Variants in CCBE1 observed in about 807,000 individuals in gnomAD.
CCBE1 encodes the protein collagen and calcium binding EGF domains 1, also known as collagen and calcium-binding EGF domain-containing protein 1.
In CCBE1, 37 loss-of-function variants were observed where a neutral mutation model predicts 50.0. The ratio of observed to expected loss-of-function variants is 0.74; its 90% CI spans 0.57 to 0.97. The LOEUF (loss-of-function observed/expected upper bound fraction) is 0.97. Among genes scored for constraint, CCBE1 ranks in the 50% least tolerant of loss-of-function variants. The pLI is 0.00. For missense variants in CCBE1, 538 were observed against 523.8 expected (o/e 1.03, Z -0.26); for synonymous variants, 234 against 203.7 (o/e 1.15, Z -1.27).
chr18:59,468,934 GC>G (rs1911889041), intron 4 of CCBE1, among the ~76,000 whole-genome samples: 2 of 151,794 alleles, frequency 1.3e-5, no homozygotes, highest in South Asian at 4.1e-4. Context: ...TGGAAAATGA[GC>G]CATAAAGCTG....
intron 2 of CCBE1, among the ~76,000 whole-genome samples, chr18:59,591,521 C>G (rs1176550217): frequency 1.3e-5 from 2 of 152,102 alleles, no homozygotes; most frequent in Non-Finnish European, 2.9e-5. Context: ...TGGAGGGACT[C>G]CAAAAGCCCA....
intron 2 of CCBE1, among the ~76,000 whole-genome samples, chr18:59,551,737 C>T (rs557318558): frequency 3.9e-5 from 6 of 152,208 alleles, no homozygotes; most frequent in Non-Finnish European, 8.8e-5. Context: ...AAGTGGAATA[C>T]TTTTGACATG....
rs8084266 is a variant in CCBE1 at position 59,589,222 on chromosome 18, C to T, written c.212+107407G>A. 8.9e-3 allele frequency among the ~76,000 whole-genome samples: 1,351 copies of T among 152,286 alleles called. 18 individuals are homozygous for T. Among genetic ancestry groups the T allele is most frequent in the African/African-American group, 0.03 (1,258 of 41,550 alleles). The stretch of plus-strand genomic sequence containing the variant: ...CCTAGATTGCCAATTCACCAACTTA[C>T]ATTATAGTTATCTAGGAGAGGATAG... On this transcript the variant is annotated intron_variant, in intron 2 of 10. Coordinates refer to ENST00000439986, the MANE Select transcript of CCBE1 (RefSeq NM_133459.4).
chr18:59,485,539 G>A (rs933867790), intron 2 of CCBE1, among the ~76,000 whole-genome samples: 5 of 151,524 alleles, frequency 3.3e-5, no homozygotes, highest in African/African-American at 1.2e-4. Context: ...TATTTATTTG[G>A]GGTTTTCCTT....
At chr18:59,532,555 C>T (rs1199103226) in intron 2 of CCBE1, among the ~76,000 whole-genome samples, 1 of 152,216 alleles carries the variant, frequency 6.6e-6, no homozygotes, top group African/African-American at 2.4e-5. Flanking sequence ...CAGGAATTAA[C>T]ATTTACTGAG....
intron 2 of CCBE1, among the ~76,000 whole-genome samples, chr18:59,692,572 C>CTA (rs1321186841): frequency 6.6e-6 from 1 of 152,198 alleles, no homozygotes; most frequent in Non-Finnish European, 1.5e-5. Flanking sequence ...GAGCCCAATG[C>CTA]TATCAATCTG....
intron 5 of CCBE1, among the ~76,000 whole-genome samples, chr18:59,455,950 G>A (rs563848830): frequency 1.3e-5 from 2 of 152,192 alleles, no homozygotes; most frequent in East Asian, 1.9e-4. Flanking sequence ...TGGGGAAGTC[G>A]GGTAATGCGT....
chr18:59,615,348 T>C (rs537469825), intron 2 of CCBE1, among the ~76,000 whole-genome samples: 32 of 152,346 alleles, frequency 2.1e-4, no homozygotes, highest in African/African-American at 7.5e-4. Context: ...TTTTGTTCCC[T>C]AACACCATGC....
At chr18:59,530,700 T>C (rs945560262) in intron 2 of CCBE1, among the ~76,000 whole-genome samples, 4 of 152,216 alleles carry the variant, frequency 2.6e-5, no homozygotes, top group Admixed American at 6.5e-5. Context: ...TGTAATTCTC[T>C]GGAAAATCTG....
intron 2 of CCBE1, among the ~76,000 whole-genome samples, chr18:59,491,917 G>A (rs922190835): frequency 2.0e-5 from 3 of 152,006 alleles, no homozygotes; most frequent in Admixed American, 1.3e-4. Flanking sequence ...AGGCCGAGGC[G>A]AGTGGATTGC....
Position 59,576,722 on chromosome 18 carries a change from C to T in CCBE1, c.213-96484G>A, listed in dbSNP as rs117745005. On this transcript the variant is annotated intron_variant, in intron 2 of 10. Transcript: ENST00000439986. Reference sequence around the variant, plus strand: ...TGCTCTGCCAACCTGCCACTCCCTCCAATGCTTCTGTCTTGGTGTGAAACA... The same window carrying T: ...TGCTCTGCCAACCTGCCACTCCCTCTAATGCTTCTGTCTTGGTGTGAAACA... 1.9e-3 allele frequency among the ~76,000 whole-genome samples: 297 copies of T among 152,316 alleles called. 4 individuals are homozygous for T. In the East Asian group the frequency reaches 0.03, roughly 15 times the overall value.
intron 2 of CCBE1, among the ~76,000 whole-genome samples, chr18:59,548,073 A>T (rs1165816422): frequency 6.6e-6 from 1 of 152,240 alleles, no homozygotes; most frequent in East Asian, 1.9e-4. Flanking sequence ...CGTGATGTGA[A>T]CTATCTGCTG....
Position 59,434,918 on chromosome 18 carries a change from A to G in CCBE1, c.*990T>C, listed in dbSNP as rs1370491616. The G allele has an allele frequency of 6.6e-6, 1 of 152,220 alleles. No homozygotes were observed. Among genetic ancestry groups the G allele is most frequent in the African/African-American group, 2.4e-5 (1 of 41,456 alleles). 9.4% of individuals were successfully genotyped at this position (152,220 alleles called of 1,614,324 possible). On this transcript the variant is annotated 3_prime_UTR_variant, in exon 11 of 11. Coordinates refer to ENST00000439986, the MANE Select transcript of CCBE1 (RefSeq NM_133459.4). The stretch of plus-strand genomic sequence containing the variant: ...GCCCAAGCCAGCAACCTCCTTGCAG[A>G]CTTCAGCCCCACTGTATATTGGTTC...
At chr18:59,470,977 T>C (rs1355742809) in intron 3 of CCBE1, among the ~76,000 whole-genome samples, 1 of 152,214 alleles carries the variant, frequency 6.6e-6, no homozygotes, top group Non-Finnish European at 1.5e-5. Flanking sequence ...CTGCATGGTG[T>C]TCTGACCAAC....
intron 2 of CCBE1, among the ~76,000 whole-genome samples, chr18:59,525,317 C>G (rs574255119): frequency 1.3e-5 from 2 of 152,214 alleles, no homozygotes; most frequent in Non-Finnish European, 2.9e-5. Context: ...TTGCCTTTCT[C>G]TAATGACCAG....
intron 2 of CCBE1, among the ~76,000 whole-genome samples, chr18:59,670,052 C>T (rs1484542373): frequency 6.6e-6 from 1 of 151,848 alleles, no homozygotes; most frequent in Admixed American, 6.6e-5. Context: ...TCATGGACCT[C>T]TGCTTCTTGC....
chr18:59,500,134 C>T (rs1206057476), intron 2 of CCBE1, among the ~76,000 whole-genome samples: 4 of 152,128 alleles, frequency 2.6e-5, no homozygotes, highest in African/African-American at 7.2e-5. Context: ...TTAGGCCACC[C>T]GCAGGTCCAG....
In CCBE1 at chr18:59,595,244, C is replaced by G. The variant is rs530562993; in HGVS notation, c.212+101385G>C. ...TTTTGCTTTTTTTTTTTTTTCTTGA[C>G]AAGGACCTATCCTTCCCCCAGACAA... On this transcript the variant is annotated intron_variant, in intron 2 of 10. Coordinates refer to ENST00000439986, the MANE Select transcript of CCBE1 (RefSeq NM_133459.4). 1.3e-3 allele frequency among the ~76,000 whole-genome samples: 193 copies of G among 147,152 alleles called. 1 individual carries two copies. The highest frequency in any genetic ancestry group is 3.3e-3 in the Middle Eastern group (1 of 304).
chr18:59,542,230 C>G (rs1173873526), intron 2 of CCBE1, among the ~76,000 whole-genome samples: 1 of 151,582 alleles, frequency 6.6e-6, no homozygotes, highest in East Asian at 1.9e-4. Flanking sequence ...ACTATGCTTT[C>G]TCAGTGCTGC....
Sources: gnomAD v4.1 joint callset for allele counts (sites outside exome capture counted in the v4.1 genomes callset) on GRCh38, gnomAD v4.1.1 for gene constraint, MANE v1.5 for transcripts, NCBI Gene and HGNC (gene_info 2026-07-23, HGNC 2026-07-21) for gene names.